The following GLT1D1 variants were observed in gnomAD, a reference collection of about 807,000 sequenced individuals.
The protein encoded by GLT1D1 is glycosyltransferase 1 domain-containing protein 1.
In GLT1D1, 21 loss-of-function variants were observed where a neutral mutation model predicts 28.7. The ratio of observed to expected loss-of-function variants is 0.73; its 90% CI spans 0.52 to 1.05. GLT1D1 has a LOEUF of 1.05. Ranked by LOEUF, GLT1D1 falls within the 50% of genes least tolerant of loss-of-function variation. The pLI is 0.00. For synonymous variants in GLT1D1, 147 were observed against 124.8 expected, an observed-to-expected ratio of 1.18 and a Z score of -1.19; for missense variants, 343 against 330.6, an observed-to-expected ratio of 1.04 and a Z score of -0.29.
At chr12:128,870,504 A>T (rs1956655962) in intron 1 of GLT1D1, among the ~76,000 whole-genome samples, 1 of 152,190 alleles carries the variant, frequency 6.6e-6, no homozygotes, top group Non-Finnish European at 1.5e-5. Context: ...ATTTGGGAAT[A>T]ATAGGTGCTT....
At chr12:128,947,101 T>C (rs958686066) in intron 5 of GLT1D1, among the ~76,000 whole-genome samples, 1 of 152,202 alleles carries the variant, frequency 6.6e-6, no homozygotes, top group Admixed American at 6.5e-5. Context: ...AGCAGGTGTC[T>C]TTATGGAGCA....
At chr12:128,950,875 A>C (rs560013281) in intron 6 of GLT1D1, among the ~76,000 whole-genome samples, 4 of 152,346 alleles carry the variant, frequency 2.6e-5, no homozygotes, top group Non-Finnish European at 4.4e-5. Flanking sequence ...TGTGTAGCAG[A>C]GACTGGGAGT....
At chr12:128,879,307 CCCCCA>C (rs1325859755) in intron 2 of GLT1D1, among the ~76,000 whole-genome samples, 1 of 152,078 alleles carries the variant, frequency 6.6e-6, no homozygotes, top group African/African-American at 2.4e-5. Flanking sequence ...TCTCCCTCTT[CCCCCA>C]CCCCACCCCC....
In GLT1D1 at chr12:128,982,985, C is replaced by T. The variant is rs78799732; in HGVS notation, c.696C>T (p.Ile232=). The change falls in exon 8 of 8, where the codon ATC becomes ATT. Residue 232 remains isoleucine, a synonymous_variant. Coordinates refer to ENST00000281703, the MANE Select transcript of GLT1D1 (RefSeq NM_144669.3). ...GTGATCCTGCATTAGAAAAGGAAAT[C>T]GTAGTGAACGGAAGGGAATACGTGA... 1.3e-3 allele frequency: 2,044 copies of T among 1,613,802 alleles called. 24 individuals are homozygous for T. In the African/African-American group the frequency reaches 0.025, roughly 19 times the overall value.
intron 7 of GLT1D1, among the ~76,000 whole-genome samples, chr12:128,977,831 T>C (rs470703): frequency 0.21 from 30,861 of 148,304 alleles, 3,760 homozygotes; most frequent in African/African-American, 0.34. Flanking sequence ...CAGGCTGGGG[T>C]GCAATGAATG....
chr12:128,886,540 G>A (rs1868407371), intron 2 of GLT1D1, among the ~76,000 whole-genome samples: 1 of 152,162 alleles, frequency 6.6e-6, no homozygotes, highest in Non-Finnish European at 1.5e-5. Flanking sequence ...GGCTCTTGGG[G>A]AGAATCTGTT....
chr12:128,881,891 A>T (rs561654076), intron 2 of GLT1D1, among the ~76,000 whole-genome samples: 12 of 152,056 alleles, frequency 7.9e-5, no homozygotes, highest in African/African-American at 2.2e-4. Flanking sequence ...GCAGCAAGTT[A>T]TGAATGGTCC....
intron 1 of GLT1D1, among the ~76,000 whole-genome samples, chr12:128,865,417 G>A (rs34506696): frequency 0.049 from 7,508 of 152,186 alleles, 271 homozygotes; most frequent in Middle Eastern, 0.11. Flanking sequence ...ATTATATCAC[G>A]GTAATGAACA....
intron 3 of GLT1D1, among the ~76,000 whole-genome samples, chr12:128,892,960 T>C (rs544458450): frequency 1.3e-5 from 2 of 152,232 alleles, no homozygotes; most frequent in South Asian, 4.1e-4. Context: ...AAGAAAATAT[T>C]CTTGGCCAGG....
chr12:128,975,189 C>T (rs537816822), intron 7 of GLT1D1, among the ~76,000 whole-genome samples: 16 of 152,228 alleles, frequency 1.1e-4, no homozygotes, highest in African/African-American at 3.9e-4. Flanking sequence ...CCTGGCTCAG[C>T]GTGCTTACAC....
At position 128,884,338 on chromosome 12, in the gene GLT1D1, T is replaced by A. The variant is rs530050537; in HGVS notation, c.218-4301T>A. Among the ~76,000 whole-genome samples the A allele has an allele frequency of 2.0e-5, 3 of 152,292 alleles. No individual in the cohort carries two copies. The South Asian group carries it at 6.2e-4, about 32-fold the overall frequency. ...ACATGGTTCTCACTTGTATGTGAAA[T>A]CCAGAAAGTCAAATTCATAGAAGCA... On this transcript the variant is annotated intron_variant, in intron 2 of 7. Transcript: ENST00000281703.
intron 6 of GLT1D1, among the ~76,000 whole-genome samples, chr12:128,948,819 G>A (rs559247062): frequency 1.7e-4 from 26 of 152,102 alleles, no homozygotes; most frequent in Admixed American, 3.3e-4. Context: ...AATGACTGAC[G>A]TTGTATGCAT....
At chr12:128,863,459 GC>G (rs1956430605) in intron 1 of GLT1D1, among the ~76,000 whole-genome samples, 1 of 151,916 alleles carries the variant, frequency 6.6e-6, no homozygotes, top group Admixed American at 6.6e-5. Context: ...TGCAACCTCT[GC>G]CTCCTGGATT....
chr12:128,946,625 G>A (rs12811006), intron 5 of GLT1D1, among the ~76,000 whole-genome samples: 15,971 of 134,346 alleles, frequency 0.12, 1,146 homozygotes, highest in South Asian at 0.16. Context: ...GAGCCACTGC[G>A]CCCGGCCTCC....
At chr12:128,939,833 A>AG (rs1445792199) in intron 4 of GLT1D1, among the ~76,000 whole-genome samples, 2 of 118,416 alleles carry the variant, frequency 1.7e-5, no homozygotes, top group African/African-American at 3.2e-5. Flanking sequence ...CCAAATTGTT[A>AG]GAAACCCCCC....
Position 128,883,876 on chromosome 12 carries a change from A to G in GLT1D1, c.218-4763A>G, listed in dbSNP as rs191199105. Among the ~76,000 whole-genome samples, 822 of 152,326 alleles carry G rather than the reference A, an allele frequency of 5.4e-3. 6 individuals carry two copies. Among genetic ancestry groups the G allele is most frequent in the African/African-American group, 0.019 (782 of 41,574 alleles). On this transcript the variant is annotated intron_variant, in intron 2 of 7. Coordinates refer to ENST00000281703, the MANE Select transcript of GLT1D1 (RefSeq NM_144669.3). ...TAAGAGAATCTTCTAGTCTATAAATAAAACCCAAGACCTTATGATACATGG... is the reference window on the plus strand; with the variant it reads ...TAAGAGAATCTTCTAGTCTATAAATGAAACCCAAGACCTTATGATACATGG...
intron 7 of GLT1D1, among the ~76,000 whole-genome samples, chr12:128,973,893 T>C (rs1565925535): frequency 1.3e-5 from 1 of 76,726 alleles, no homozygotes; most frequent in African/African-American, 3.7e-5. Flanking sequence ...GTGTAGGGGG[T>C]GTGTGTGTAG....
At chr12:128,904,440 G>C (rs912123910) in intron 4 of GLT1D1, among the ~76,000 whole-genome samples, 1 of 151,534 alleles carries the variant, frequency 6.6e-6, no homozygotes, top group African/African-American at 2.4e-5. Context: ...AATTTGGAGG[G>C]GGAAAAAGAG....
chr12:128,959,545 T>G (rs1243046871), intron 7 of GLT1D1, among the ~76,000 whole-genome samples: 1 of 151,544 alleles, frequency 6.6e-6, no homozygotes, highest in Non-Finnish European at 1.5e-5. Context: ...CATGAATAAA[T>G]GCACTGACCA....
Sources: gnomAD v4.1 joint callset for allele counts (sites outside exome capture counted in the v4.1 genomes callset) on GRCh38, gnomAD v4.1.1 for gene constraint, MANE v1.5 for transcripts, NCBI Gene and HGNC (gene_info 2026-07-23, HGNC 2026-07-21) for gene names.